The following CSMD2 variants were observed in gnomAD, a reference collection of about 807,000 sequenced individuals.
The protein encoded by CSMD2 is CUB and Sushi multiple domains 2.
CSMD2 carries 130 observed loss-of-function variants against 398.5 expected under a neutral mutation model. The observed-to-expected ratio is 0.33, with a 90% CI of 0.28 to 0.38. The LOEUF (loss-of-function observed/expected upper bound fraction) is 0.38, where lower values mean the gene tolerates loss of function less well. Among genes scored for constraint, CSMD2 ranks in the 10% least tolerant of loss-of-function variants. The pLI, the probability that CSMD2 is intolerant of heterozygous loss-of-function variation, is 1.00. For missense variants in CSMD2, 3,829 were observed against 4,764.9 expected, an observed-to-expected ratio of 0.80 and a Z score of 5.78; for synonymous variants, 1,828 against 1,908.5, an observed-to-expected ratio of 0.96 and a Z score of 1.10.
At chr1:33,942,560 C>T (rs1013838169) in intron 3 of CSMD2, among the ~76,000 whole-genome samples, 14 of 152,216 alleles carry the variant, frequency 9.2e-5, no homozygotes, top group Admixed American at 3.9e-4. Context: ...CCTATTCTCT[C>T]GACTCATGTT....
intron 3 of CSMD2, among the ~76,000 whole-genome samples, chr1:33,974,199 G>T (rs1177803104): frequency 6.6e-6 from 1 of 152,280 alleles, no homozygotes; most frequent in East Asian, 1.9e-4. Context: ...TATATCAAAG[G>T]CTCAAATACA....
At chr1:33,984,328 G>C (rs910350653) in intron 3 of CSMD2, among the ~76,000 whole-genome samples, 1 of 152,078 alleles carries the variant, frequency 6.6e-6, no homozygotes, top group Non-Finnish European at 1.5e-5. Flanking sequence ...TGTGGATCTT[G>C]AAAGTGCAAC....
chr1:34,151,531 G>A (rs1336931685), intron 1 of CSMD2, among the ~76,000 whole-genome samples: 1 of 152,126 alleles, frequency 6.6e-6, no homozygotes, highest in African/African-American at 2.4e-5. Flanking sequence ...GGGAATCCTG[G>A]TTTCTTGGGA....
chr1:33,744,347 A>T (rs1309191732), intron 13 of CSMD2, among the ~76,000 whole-genome samples: 1 of 152,152 alleles, frequency 6.6e-6, no homozygotes, highest in Non-Finnish European at 1.5e-5. Context: ...CAACCCCAAG[A>T]TGCCACACTA....
intron 3 of CSMD2, among the ~76,000 whole-genome samples, chr1:33,986,814 A>T (rs541606223): frequency 8.5e-4 from 129 of 152,106 alleles, no homozygotes; most frequent in African/African-American, 3.0e-3. Context: ...GTCAGCATGG[A>T]CTCCAGGGCT....
chr1:33,965,161 A>T (rs1271882481), intron 3 of CSMD2, among the ~76,000 whole-genome samples: 1 of 152,202 alleles, frequency 6.6e-6, no homozygotes, highest in Admixed American at 6.5e-5. Context: ...GGATGGGGTT[A>T]GAATTCTTCT....
At chr1:33,812,626 G>C (rs1656988083) in intron 9 of CSMD2, among the ~76,000 whole-genome samples, 1 of 147,544 alleles carries the variant, frequency 6.8e-6, no homozygotes, top group South Asian at 2.3e-4. Context: ...AAATCCATTT[G>C]CTGGTCGCTT....
chr1:34,072,429 G>C (rs1655827944), intron 2 of CSMD2, among the ~76,000 whole-genome samples: 1 of 152,042 alleles, frequency 6.6e-6, no homozygotes, highest in Non-Finnish European at 1.5e-5. Context: ...GATATAGAAG[G>C]GGGAAACTTC....
chr1:33,607,859 T>C (rs944853308), intron 41 of CSMD2, among the ~76,000 whole-genome samples: 1 of 152,158 alleles, frequency 6.6e-6, no homozygotes, highest in Non-Finnish European at 1.5e-5. Flanking sequence ...GGAAGCCCCA[T>C]TGGATGTCGC....
rs764972700 is a variant in CSMD2 at position 33,709,170 on chromosome 1, G to T, written c.3495C>A (p.Ile1165=). ...PVNYNNNHEC[I]YSIQTQPGKG... is the part of the protein sequence containing the mutation. ...TCCCTGGCTGGGTCTGGATGGAGTA[G>T]ATGCATTCATGATTGTTATTGTAGT... The change falls in exon 22 of 71, where the codon ATC becomes ATA. Residue 1165 remains isoleucine (I), a synonymous_variant. Coordinates refer to ENST00000373381, the MANE Select transcript of CSMD2 (RefSeq NM_001281956.2). 8 of 1,613,946 alleles carry T rather than the reference G, an allele frequency of 5.0e-6. No homozygotes were observed. The African/African-American group carries it at 1.1e-4, about 22-fold the overall frequency.
chr1:33,652,135 G>A (rs1643788254), intron 28 of CSMD2, among the ~76,000 whole-genome samples, 188 bp downstream of exon 28: 1 of 152,146 alleles, frequency 6.6e-6, no homozygotes, highest in South Asian at 2.1e-4. Context: ...ATATGCATGA[G>A]ACCACTGAGC....
intron 15 of CSMD2, 66 bp downstream of exon 15, chr1:33,739,074 G>T: frequency 6.7e-7 from 1 of 1,503,048 alleles, no homozygotes; most frequent in Non-Finnish European, 9.0e-7. Context: ...GGCCTGGGCT[G>T]CTTGCTCCCC....
rs1002820154 is a variant in CSMD2 at position 33,625,207 on chromosome 1, G to A, written c.5344C>T (p.Arg1782Cys). Residue 1782 changes from arginine (R) to cysteine (C), a missense_variant, in exon 34 of 71, where the codon CGC becomes TGC. Transcript: ENST00000373381. Reference protein sequence around the residue: ...ATQCSSVPEPRYGKRLGSDFS... With the variant: ...ATQCSSVPEPCYGKRLGSDFS... ...TCACTGCCCAGCCTCTTGCCATAGC[G>A]GGGTTCCGGCACAGAGCTGCACTGC... 1 of 1,613,640 alleles carries A rather than the reference G, an allele frequency of 6.2e-7. No homozygotes were observed. The highest frequency in any genetic ancestry group is 2.2e-5 in the East Asian group (1 of 44,816).
At chr1:33,773,670 A>G (rs981868245) in intron 12 of CSMD2, among the ~76,000 whole-genome samples, 1 of 152,032 alleles carries the variant, frequency 6.6e-6, no homozygotes, top group Non-Finnish European at 1.5e-5. Context: ...GGAGGGGAGG[A>G]GGAAGAAGAG....
intron 22 of CSMD2, among the ~76,000 whole-genome samples, chr1:33,701,086 T>G (rs1230876308): frequency 6.6e-6 from 1 of 152,178 alleles, no homozygotes; most frequent in Non-Finnish European, 1.5e-5. Flanking sequence ...TCTACATTGC[T>G]AAACCCTCAA....
At chr1:33,677,066 T>C (rs2149049047) in intron 25 of CSMD2, among the ~76,000 whole-genome samples, 1 of 152,300 alleles carries the variant, frequency 6.6e-6, no homozygotes, top group East Asian at 1.9e-4. Flanking sequence ...ACTTCATCTC[T>C]AAAACACCAA....
chr1:33,866,309 G>C lies in CSMD2; in HGVS notation c.921-19313C>G, dbSNP rs1163265479. Among the ~76,000 whole-genome samples the C allele has an allele frequency of 2.0e-5, 3 of 152,190 alleles. 1 individual carries two copies. Among genetic ancestry groups the C allele is most frequent in the African/African-American group, 7.2e-5 (3 of 41,444 alleles). ...CCCGCCCTATAAAAAATTTCCTTCT[G>C]ACAGGAGAGATGGACTTGGGCATAA... On this transcript the variant is annotated intron_variant, in intron 5 of 70. Coordinates refer to ENST00000373381, the MANE Select transcript of CSMD2 (RefSeq NM_001281956.2).
intron 1 of CSMD2, among the ~76,000 whole-genome samples, chr1:34,140,317 C>CA (rs35742065): frequency 0.33 from 44,875 of 137,496 alleles, 8,086 homozygotes; most frequent in Non-Finnish European, 0.42. Flanking sequence ...AACAAACAAA[C>CA]AAAAAAAAAC....
At chr1:33,786,925 T>C (rs942856272) in intron 12 of CSMD2, among the ~76,000 whole-genome samples, 3 of 152,232 alleles carry the variant, frequency 2.0e-5, no homozygotes, top group African/African-American at 7.2e-5. Flanking sequence ...CGTGCTGAAG[T>C]TCTGACTTCT....
Sources: gnomAD v4.1 joint callset for allele counts (sites outside exome capture counted in the v4.1 genomes callset) on GRCh38, gnomAD v4.1.1 for gene constraint, MANE v1.5 for transcripts, NCBI Gene and HGNC (gene_info 2026-07-23, HGNC 2026-07-21) for gene names.